Variants in B3GALT1 observed in about 807,000 individuals in gnomAD.
B3GALT1 encodes UDP-Gal:betaGlcNAc beta 1,3-galactosyltransferase, polypeptide 1.
Under a neutral mutation model 23.2 loss-of-function variants are expected in B3GALT1, and 10 were observed. The observed-to-expected ratio is 0.43, with a 90% CI of 0.27 to 0.73. The LOEUF is 0.73. Ranked by LOEUF, B3GALT1 falls within the 30% of genes least tolerant of loss-of-function variation. The pLI is 0.21. For missense variants in B3GALT1, 299 were observed against 405.4 expected, an observed-to-expected ratio of 0.74 and a Z score of 2.25; for synonymous variants, 156 against 141.5, an observed-to-expected ratio of 1.10 and a Z score of -0.73.
chr2:167,492,345 T>C (rs953357909), intron 2 of B3GALT1, among the ~76,000 whole-genome samples: 2 of 152,238 alleles, frequency 1.3e-5, no homozygotes, highest in African/African-American at 4.8e-5. Flanking sequence ...TAATATTTCA[T>C]TGGACGGATG....
chr2:167,409,571 A>G (rs1698360069), intron 1 of B3GALT1, among the ~76,000 whole-genome samples: 1 of 151,626 alleles, frequency 6.6e-6, no homozygotes, highest in Non-Finnish European at 1.5e-5. Flanking sequence ...ATGCTTCACT[A>G]ATTTCTTGTG....
chr2:167,444,387 G>A (rs1179676759), intron 1 of B3GALT1, among the ~76,000 whole-genome samples: 5 of 152,206 alleles, frequency 3.3e-5, no homozygotes, highest in Admixed American at 2.0e-4. Context: ...CTCATACAAT[G>A]AGTTAGGGCA....
intron 3 of B3GALT1, among the ~76,000 whole-genome samples, chr2:167,809,873 C>T (rs1352837507): frequency 6.6e-6 from 1 of 152,122 alleles, no homozygotes; most frequent in Non-Finnish European, 1.5e-5. Flanking sequence ...CTATGTCCTG[C>T]CCCCAGAGGT....
At chr2:167,545,271 G>A (rs1459604508) in intron 2 of B3GALT1, among the ~76,000 whole-genome samples, 13 of 151,968 alleles carry the variant, frequency 8.6e-5, no homozygotes. Context: ...TTCTGACCTT[G>A]TGATCCGCCC....
At chr2:167,545,835 G>A (rs565085889) in intron 2 of B3GALT1, among the ~76,000 whole-genome samples, 5 of 152,090 alleles carry the variant, frequency 3.3e-5, no homozygotes, top group Non-Finnish European at 4.4e-5. Flanking sequence ...CAAAATGCTT[G>A]GAACCCAAAG....
intron 2 of B3GALT1, among the ~76,000 whole-genome samples, chr2:167,596,053 T>C (rs1034110882): frequency 2.0e-5 from 3 of 152,212 alleles, no homozygotes; most frequent in Non-Finnish European, 4.4e-5. Flanking sequence ...GGTTAATTAG[T>C]TTGTGCACTT....
chr2:167,510,645 A>G (rs1699991235), intron 2 of B3GALT1, among the ~76,000 whole-genome samples: 1 of 152,172 alleles, frequency 6.6e-6, no homozygotes, highest in African/African-American at 2.4e-5. Context: ...CAGAGTATCA[A>G]AGATGATTTT....
intron 2 of B3GALT1, among the ~76,000 whole-genome samples, chr2:167,494,995 A>C (rs1215000453): frequency 2.0e-5 from 3 of 152,206 alleles, no homozygotes; most frequent in Non-Finnish European, 1.5e-5. Flanking sequence ...TTCTGTCTTC[A>C]GGAATTTCTG....
At chr2:167,294,154 C>A (rs1196888568) in intron 1 of B3GALT1, among the ~76,000 whole-genome samples, 1 of 152,168 alleles carries the variant, frequency 6.6e-6, no homozygotes, top group Non-Finnish European at 1.5e-5. Context: ...CCCGACGGCC[C>A]GGCGTCCAGG....
At chr2:167,785,220 G>A (rs1023277944) in intron 3 of B3GALT1, among the ~76,000 whole-genome samples, 67 of 152,284 alleles carry the variant, frequency 4.4e-4, no homozygotes, top group African/African-American at 1.5e-3. Context: ...ACTCAGAGTC[G>A]AAAGACTGGA....
At chr2:167,370,352 G>A (rs1247522416) in intron 1 of B3GALT1, among the ~76,000 whole-genome samples, 1 of 148,658 alleles carries the variant, frequency 6.7e-6, no homozygotes, top group African/African-American at 2.5e-5. Context: ...TGTCTGCAAG[G>A]ATTGAATGAC....
chr2:167,494,216 A>G (rs552267732), intron 2 of B3GALT1, among the ~76,000 whole-genome samples: 2 of 152,266 alleles, frequency 1.3e-5, no homozygotes, highest in Non-Finnish European at 2.9e-5. Context: ...AATGAAGTGT[A>G]TAATTTTAAA....
intron 2 of B3GALT1, among the ~76,000 whole-genome samples, chr2:167,518,550 A>C (rs968006328): frequency 3.9e-5 from 6 of 152,214 alleles, no homozygotes; most frequent in African/African-American, 1.2e-4. Flanking sequence ...AAAGCAAATC[A>C]TTTGGTAAGA....
chr2:167,638,669 C>T (rs536808414), intron 2 of B3GALT1, among the ~76,000 whole-genome samples: 1 of 152,148 alleles, frequency 6.6e-6, no homozygotes, highest in African/African-American at 2.4e-5. Context: ...GATAATAACA[C>T]TGGATCTATT....
chr2:167,821,064 G>A (rs772673892), intron 4 of B3GALT1, among the ~76,000 whole-genome samples: 1 of 152,174 alleles, frequency 6.6e-6, no homozygotes, highest in Non-Finnish European at 1.5e-5. Flanking sequence ...CTTCCCAAGA[G>A]CTAAGAGCCT....
At chr2:167,475,441 A>G (rs2105333159) in intron 1 of B3GALT1, among the ~76,000 whole-genome samples, 1 of 152,330 alleles carries the variant, frequency 6.6e-6, no homozygotes, top group South Asian at 2.1e-4. Flanking sequence ...ACTTCCTTTA[A>G]AGGTGAAAGT....
At chr2:167,364,696 C>T (rs1449919227) in intron 1 of B3GALT1, among the ~76,000 whole-genome samples, 16 of 152,156 alleles carry the variant, frequency 1.1e-4, no homozygotes, top group Non-Finnish European at 1.5e-5. Flanking sequence ...GCATAGTATT[C>T]CATGGTGTAT....
intron 1 of B3GALT1, among the ~76,000 whole-genome samples, chr2:167,310,637 G>A (rs1296892403): frequency 1.3e-5 from 2 of 151,990 alleles, no homozygotes; most frequent in Non-Finnish European, 2.9e-5. Flanking sequence ...CCCTAAGTGT[G>A]GTTGGGGAGG....
At chr2:167,860,280 TCCC>T (rs1263542058) in intron 4 of B3GALT1, among the ~76,000 whole-genome samples, 3 of 152,178 alleles carry the variant, frequency 2.0e-5, no homozygotes, top group Non-Finnish European at 4.4e-5. Flanking sequence ...GGATCTCTTT[TCCC>T]CTTTTCAATA....
Sources: gnomAD v4.1 joint callset for allele counts (sites outside exome capture counted in the v4.1 genomes callset) on GRCh38, gnomAD v4.1.1 for gene constraint, MANE v1.5 for transcripts, NCBI Gene and HGNC (gene_info 2026-07-23, HGNC 2026-07-21) for gene names.